Variants in KCNQ1 observed in about 807,000 individuals in gnomAD.
KCNQ1 encodes the protein potassium voltage-gated channel subfamily KQT member 1.
KCNQ1 carries 49 observed loss-of-function variants against 72.4 expected under a neutral mutation model. The observed-to-expected ratio is 0.68, with a 90% confidence interval of 0.54 to 0.86. KCNQ1 has a LOEUF of 0.86. Among genes scored for constraint, KCNQ1 ranks in the 40% least tolerant of loss-of-function variants. KCNQ1 has a pLI of 0.00. For missense variants in KCNQ1, 790 were observed against 945.1 expected (o/e 0.84, Z 2.15); for synonymous variants, 450 against 412.6 (o/e 1.09, Z -1.10).
intron 15 of KCNQ1, among the ~76,000 whole-genome samples, chr11:2,802,827 T>C (rs1014200775): frequency 4.6e-5 from 7 of 152,258 alleles, no homozygotes; most frequent in Middle Eastern, 3.4e-3. Flanking sequence ...GGAAGCTGAG[T>C]GGCCACCCAC....
Position 2,816,883 on chromosome 11 carries a change from C to G in KCNQ1, c.1795-30884C>G, listed in dbSNP as rs1176930059. On this transcript the variant is annotated intron_variant, in intron 15 of 15. Coordinates refer to ENST00000155840, the MANE Select transcript of KCNQ1 (RefSeq NM_000218.3). This position sits in a 1 kb window ranked among gnomAD's most constrained non-coding sequence, Gnocchi z 6.8. ...ACACAGGTGTCTGTTCAGGGCTCCT[C>G]AAATGCACAAATACATGTCTGTGAC... is the stretch of plus-strand genomic sequence containing the variant. Among the ~76,000 whole-genome samples the G allele has an allele frequency of 2.0e-5, 3 of 152,058 alleles. No individual in the cohort carries two copies. Among genetic ancestry groups the G allele is most frequent in the East Asian group, 3.9e-4 (2 of 5,122 alleles).
rs540797178 is a variant in KCNQ1 at position 2,565,254 on chromosome 11, G to C, written c.478-5374G>C. ...TCTACATCCCCCAGCAGCACACAAGGTCCCAACTTCTCCGGATCCTTGGGA... is the reference window on the plus strand; with the variant it reads ...TCTACATCCCCCAGCAGCACACAAGCTCCCAACTTCTCCGGATCCTTGGGA... On this transcript the variant is annotated intron_variant, in intron 2 of 15. Coordinates refer to ENST00000155840, the MANE Select transcript of KCNQ1 (RefSeq NM_000218.3). This position sits in a 1 kb window ranked among gnomAD's most constrained non-coding sequence, Gnocchi z 5.6. Among the ~76,000 whole-genome samples the C allele has an allele frequency of 1.3e-5, 2 of 152,252 alleles. No homozygotes were observed. The highest frequency in any genetic ancestry group is 3.9e-4 in the East Asian group (2 of 5,180).
intron 10 of KCNQ1, chr11:2,616,654 TAA>T (rs1319864524): frequency 1.3e-5 from 5 of 398,140 alleles, no homozygotes; most frequent in African/African-American, 2.1e-5. Flanking sequence ...CAATAATTTT[TAA>T]AGAGTGTGTA....
rs372295239 is a variant in KCNQ1 at position 2,511,008 on chromosome 11, C to T, written c.387-16920C>T. On this transcript the variant is annotated intron_variant, in intron 1 of 15. Transcript: ENST00000155840. ...CCTCTTGCCCTGCCTCTCCCCGAGA[C>T]GTCACCCTTTCTCTTTTCCCCATTG... Among the ~76,000 whole-genome samples, 37 of 152,346 alleles carry T rather than the reference C, an allele frequency of 2.4e-4. 1 individual carries two copies. The East Asian group carries it at 4.8e-3, about 20-fold the overall frequency.
At chr11:2,812,707 C>T (rs1847516058) in intron 15 of KCNQ1, among the ~76,000 whole-genome samples, 1 of 152,176 alleles carries the variant, frequency 6.6e-6, no homozygotes, top group South Asian at 2.1e-4. Context: ...CTCCCTCTTC[C>T]CTAGGAAGCA....
chr11:2,815,929 G>C lies in KCNQ1; in HGVS notation c.1795-31838G>C, dbSNP rs564656061. Among the ~76,000 whole-genome samples, 4 of 152,338 alleles carry C rather than the reference G, an allele frequency of 2.6e-5. No homozygotes were observed. In the South Asian group the frequency reaches 8.3e-4, roughly 32 times the overall value. Reference sequence around the variant, plus strand: ...AGCACCGCTGAGTCGCCGCACACCTGTCAGGGTGGAGGGGACTTGGGGGAC... The same window carrying C: ...AGCACCGCTGAGTCGCCGCACACCTCTCAGGGTGGAGGGGACTTGGGGGAC... On this transcript the variant is annotated intron_variant, in intron 15 of 15. Coordinates refer to ENST00000155840, the MANE Select transcript of KCNQ1 (RefSeq NM_000218.3). This position sits in a 1 kb window ranked among gnomAD's most constrained non-coding sequence, Gnocchi z 5.4.
intron 15 of KCNQ1, among the ~76,000 whole-genome samples, chr11:2,825,543 C>A (rs373366827): frequency 6.6e-6 from 1 of 152,242 alleles, no homozygotes; most frequent in African/African-American, 2.4e-5. Context: ...ACCCTGGACG[C>A]TTCCTTCTTT....
In KCNQ1 at chr11:2,620,855, A is replaced by AT. The variant is rs1486308395; in HGVS notation, c.1393+32008dup. The AT allele has an allele frequency of 1.0e-5, 4 of 395,840 alleles. No individual in the cohort carries two copies. Among genetic ancestry groups the AT allele is most frequent in the African/African-American group, 4.2e-5 (2 of 47,788 alleles). The allele number at this position is 395,840 out of a possible 1,614,324, so 24.5% of individuals were successfully genotyped here. ...CTCTGCAGCCTTCCCAGCAACTTTTATTTTTTTGACTTTTTAATAATTGCC... is the reference window on the plus strand; with the variant it reads ...CTCTGCAGCCTTCCCAGCAACTTTTATTTTTTTTGACTTTTTAATAATTGCC... On this transcript the variant is annotated intron_variant, in intron 10 of 15. Transcript: ENST00000155840. The surrounding 1 kb of genome is among the most constrained non-coding windows in gnomAD (Gnocchi z 4.5).
At chr11:2,500,043 A>G (rs1377503405) in intron 1 of KCNQ1, among the ~76,000 whole-genome samples, 4 of 152,262 alleles carry the variant, frequency 2.6e-5, no homozygotes, top group Admixed American at 1.3e-4. Context: ...ACATACACAT[A>G]GTAATTAAAC....
At chr11:2,558,589 C>A (rs914453493) in intron 2 of KCNQ1, among the ~76,000 whole-genome samples, 4 of 152,234 alleles carry the variant, frequency 2.6e-5, no homozygotes, top group Non-Finnish European at 4.4e-5. Context: ...GCCTCCTGAC[C>A]TTGAGAACAC....
In KCNQ1 at chr11:2,653,665, G is replaced by A. The variant is rs1419879292; in HGVS notation, c.1394-8296G>A. The stretch of plus-strand genomic sequence containing the variant: ...TCTAAAAGGGGCAAAATGGCCACCA[G>A]CTTGCATTCAACAGCTCAGGAAGCC... On this transcript the variant is annotated intron_variant, in intron 10 of 15. Transcript: ENST00000155840. This position sits in a 1 kb window ranked among gnomAD's most constrained non-coding sequence, Gnocchi z 5.3. 1 of 398,584 alleles carries A rather than the reference G, an allele frequency of 2.5e-6. No individual in the cohort carries two copies. The highest frequency in any genetic ancestry group is 4.4e-6 in the Non-Finnish European group (1 of 226,128). 24.7% of individuals were successfully genotyped at this position (398,584 alleles called of 1,614,324 possible).
Position 2,445,291 on chromosome 11 carries a change from G to C in KCNQ1, c.193G>C (p.Ala65Pro). Residue 65 changes from alanine to proline, a missense_variant, in exon 1 of 16, where the codon GCG becomes CCG. By Grantham distance (27) the Ala-to-Pro change is conservative. Transcript: ENST00000155840. ...APGAPGPAPP[A>P]SPAAPAAPPV... ...CGGCGCCCCAGGTCCCGCGCCCCCT[G>C]CGTCCCCGGCCGCGCCCGCCGCGCC... 7.4e-7 allele frequency: 1 copy of C among 1,360,138 alleles called. No individual in the cohort carries two copies. The allele number at this position is 1,360,138 out of a possible 1,614,324, so 84.3% of individuals were successfully genotyped here.
rs1435130489 is a variant in KCNQ1, at chr11:2,715,325, T to C, written c.1514+53244T>C. Reference sequence around the variant, plus strand: ...CTGTAAAGACCTGCGGGCTGTGTCATGGAGGGCCCTTACCCCGGAGGAGCC... The same window carrying C: ...CTGTAAAGACCTGCGGGCTGTGTCACGGAGGGCCCTTACCCCGGAGGAGCC... On this transcript the variant is annotated intron_variant, in intron 11 of 15. Transcript: ENST00000155840. The surrounding 1 kb of genome is among the most constrained non-coding windows in gnomAD (Gnocchi z 4.9). 6.6e-6 allele frequency among the ~76,000 whole-genome samples: 1 copy of C among 152,008 alleles called. No homozygotes were observed. Among genetic ancestry groups the C allele is most frequent in the East Asian group, 1.9e-4 (1 of 5,176 alleles).
chr11:2,696,204 A>G (rs778499486), intron 11 of KCNQ1: 5 of 398,380 alleles, frequency 1.3e-5, no homozygotes, highest in Non-Finnish European at 2.2e-5. Context: ...GGCCCTGGAG[A>G]TTATTCATTT....
intron 1 of KCNQ1, among the ~76,000 whole-genome samples, chr11:2,452,043 G>C (rs1275092859): frequency 6.6e-6 from 1 of 152,192 alleles, no homozygotes; most frequent in Non-Finnish European, 1.5e-5. Context: ...TCAAAGCCTT[G>C]GTCTGTGCCT....
chr11:2,608,012 C>A lies in KCNQ1; in HGVS notation c.1393+19158C>A, dbSNP rs1489659235. ...TACAACATCAAGAAAGCATAAAGCA[C>A]AATAGCGTGGATTTACCTAATGCCA... On this transcript the variant is annotated intron_variant, in intron 10 of 15. Coordinates refer to ENST00000155840, the MANE Select transcript of KCNQ1 (RefSeq NM_000218.3). The surrounding 1 kb of genome is among the most constrained non-coding windows in gnomAD (Gnocchi z 4.6). Among the ~76,000 whole-genome samples, 3 of 152,110 alleles carry A rather than the reference C, an allele frequency of 2.0e-5. No homozygotes were observed.
At position 2,664,019 on chromosome 11, in the gene KCNQ1, C is replaced by A. The variant is rs895640581; in HGVS notation, c.1514+1938C>A. On this transcript the variant is annotated intron_variant, in intron 11 of 15. Transcript: ENST00000155840. The surrounding 1 kb of genome is among the most constrained non-coding windows in gnomAD (Gnocchi z 5.1). Reference sequence around the variant, plus strand: ...TTGGGTCTGGCACATTACCATTCTGCAAGATCCTGCAGCCTTTTCAGGTTG... The same window carrying A: ...TTGGGTCTGGCACATTACCATTCTGAAAGATCCTGCAGCCTTTTCAGGTTG... 1.0e-5 allele frequency: 4 copies of A among 398,646 alleles called. No individual in the cohort carries two copies. Among genetic ancestry groups the A allele is most frequent in the Non-Finnish European group, 1.3e-5 (3 of 226,156 alleles). 24.7% of individuals were successfully genotyped at this position (398,646 alleles called of 1,614,324 possible). A position where few individuals can be genotyped will look rare whatever the true frequency, so the allele number is the denominator to read the frequency against.
rs955969204 is a variant in KCNQ1, at chr11:2,563,294, G to A, written c.478-7334G>A. Among the ~76,000 whole-genome samples, 1 of 152,200 alleles carries A rather than the reference G, an allele frequency of 6.6e-6. No individual in the cohort carries two copies. The highest frequency in any genetic ancestry group is 1.5e-5 in the Non-Finnish European group (1 of 68,034). On this transcript the variant is annotated intron_variant, in intron 2 of 15. Transcript: ENST00000155840. The surrounding 1 kb of genome is among the most constrained non-coding windows in gnomAD (Gnocchi z 7.4). ...CTCGGAGAACACCGGTTCCACGGCC[G>A]GTTGCAACACGTTTGAGCCAAAGTG...
In KCNQ1 at chr11:2,486,172, T is replaced by G. The variant is rs1846737528; in HGVS notation, c.386+40688T>G. 1.3e-5 allele frequency among the ~76,000 whole-genome samples: 2 copies of G among 152,176 alleles called. No individual in the cohort carries two copies. Among genetic ancestry groups the G allele is most frequent in the South Asian group, 2.1e-4 (1 of 4,812 alleles). On this transcript the variant is annotated intron_variant, in intron 1 of 15. Coordinates refer to ENST00000155840, the MANE Select transcript of KCNQ1 (RefSeq NM_000218.3). The surrounding 1 kb of genome is among the most constrained non-coding windows in gnomAD (Gnocchi z 5.0). Reference sequence around the variant, plus strand: ...TCACCAACACTTGTAATTTCTGGGGTTTTTTAATAGTAGCCATTCTAGTGG... The same window carrying G: ...TCACCAACACTTGTAATTTCTGGGGGTTTTTAATAGTAGCCATTCTAGTGG...
Sources: allele counts gnomAD v4.1 joint callset (sites outside exome capture counted in the v4.1 genomes callset), GRCh38; gene constraint gnomAD v4.1.1; non-coding constraint Gnocchi (gnomAD v3.1); transcripts MANE v1.5; gene names NCBI Gene and HGNC (gene_info 2026-07-23, HGNC 2026-07-21).